The following TACC2 variants were observed in gnomAD, a reference collection of about 807,000 sequenced individuals.
The protein encoded by TACC2 is transforming acidic coiled-coil-containing protein 2.
TACC2 carries 137 observed loss-of-function variants against 227.3 expected under a neutral mutation model. The observed-to-expected ratio is 0.60, with a 90% confidence interval of 0.52 to 0.69. The LOEUF (loss-of-function observed/expected upper bound fraction) is 0.69, where lower values mean the gene tolerates loss of function less well. Among genes scored for constraint, TACC2 ranks in the 30% least tolerant of loss-of-function variants. The pLI is 0.00. For missense variants in TACC2, 3,470 were observed against 3,694.4 expected (o/e 0.94, Z 1.57); for synonymous variants, 1,523 against 1,487.5 (o/e 1.02, Z -0.55).
In TACC2 at chr10:122,211,271, C is replaced by G. The variant is rs1282699180; in HGVS notation, c.6846C>G (p.Asn2282Lys). ...GTAGTTGGGACAACCAGCAGGAAAA[C>G]CCCCCTCCTACCAAAAAGATAGGCA... Reference protein sequence around the residue: ...DKSSWDNQQENPPPTKKIGKK... With the variant: ...DKSSWDNQQEKPPPTKKIGKK... The change falls in exon 9 of 23, where the codon AAC (asparagine) becomes AAG (lysine). Residue 2282 changes from asparagine to lysine, a missense_variant. Physicochemically the swap from Asn to Lys is moderately conservative, Grantham distance 94 (BLOSUM62 0). This residue lies in a region of TACC2 where 593 missense variants were observed against 636.6 expected (regional missense o/e 0.93). Transcript: ENST00000369005. 6.8e-6 allele frequency: 11 copies of G among 1,613,912 alleles called. No homozygotes were observed. Among genetic ancestry groups the G allele is most frequent in the African/African-American group, 1.3e-5 (1 of 74,870 alleles).
At chr10:122,065,520 A>G (rs536945108) in intron 3 of TACC2, among the ~76,000 whole-genome samples, 7 of 152,294 alleles carry the variant, frequency 4.6e-5, no homozygotes, top group Non-Finnish European at 8.8e-5. Flanking sequence ...ATCATCTCAA[A>G]TTTATGCACA....
intron 5 of TACC2, among the ~76,000 whole-genome samples, chr10:122,118,010 T>A (rs1209319935): frequency 6.6e-6 from 1 of 151,190 alleles, no homozygotes; most frequent in African/African-American, 2.4e-5. Context: ...TGTTTTTCTC[T>A]TTTTCTTTTT....
chr10:122,010,662 C>CGCAT lies in TACC2; in HGVS notation c.-45-11274_-45-11271dup, dbSNP rs1955810830. ...ATTTCAACAGTGGAGAGGGATTGGA[C>CGCAT]GCATCCCTCAGTCTTCCCTCGTGTG... is the stretch of plus-strand genomic sequence containing the variant. On this transcript the variant is annotated intron_variant, in intron 1 of 22. Transcript: ENST00000369005. Among the ~76,000 whole-genome samples the CGCAT allele has an allele frequency of 2.0e-5, 3 of 152,212 alleles. No individual in the cohort carries two copies. The South Asian group carries it at 6.2e-4, about 32-fold the overall frequency.
At chr10:122,158,854 A>G (rs2092652751) in intron 7 of TACC2, among the ~76,000 whole-genome samples, 1 of 152,180 alleles carries the variant, frequency 6.6e-6, no homozygotes, top group Non-Finnish European at 1.5e-5. Flanking sequence ...CCTTTTCTCT[A>G]TTCATCATAA....
intron 2 of TACC2, among the ~76,000 whole-genome samples, chr10:122,038,247 T>A (rs113970577): frequency 0.095 from 14,506 of 152,146 alleles, 823 homozygotes; most frequent in South Asian, 0.18. Flanking sequence ...CCAGCCTGGG[T>A]GACAAGAGTG....
In TACC2 at chr10:122,171,165, G is replaced by C. The variant is rs552692866; in HGVS notation, c.5835-23875G>C. Among the ~76,000 whole-genome samples the C allele has an allele frequency of 4.6e-5, 7 of 152,290 alleles. No individual in the cohort carries two copies. The South Asian group carries it at 8.3e-4, about 18-fold the overall frequency. ...GCTGTGCAATAAATCCGGTGGGGGTGGTGGGCCTCCCCGCAGGTTTTGTAC... is the reference window on the plus strand; with the variant it reads ...GCTGTGCAATAAATCCGGTGGGGGTCGTGGGCCTCCCCGCAGGTTTTGTAC... On this transcript the variant is annotated intron_variant, in intron 7 of 22. Coordinates refer to ENST00000369005, the MANE Select transcript of TACC2 (RefSeq NM_206862.4).
Position 122,050,630 on chromosome 10 carries a change from A to AG in TACC2, c.146+80_146+81insG. ...CCTGCTCCAGCATTAGCTTTGCCCCATTTGCTTTGGAAACTGGACCCTTAG... is the reference window on the plus strand; with the variant it reads ...CCTGCTCCAGCATTAGCTTTGCCCCAGTTTGCTTTGGAAACTGGACCCTTAG... On this transcript the variant is annotated intron_variant, in intron 3 of 22. Coordinates refer to ENST00000369005, the MANE Select transcript of TACC2 (RefSeq NM_206862.4). The surrounding 1 kb of genome is among the most constrained non-coding windows in gnomAD (Gnocchi z 4.6). 8.3e-7 allele frequency: 1 copy of AG among 1,198,604 alleles called. No individual in the cohort carries two copies. The highest frequency in any genetic ancestry group is 1.2e-6 in the Non-Finnish European group (1 of 825,056). The allele number at this position is 1,198,604 out of a possible 1,614,324, so 74.2% of individuals were successfully genotyped here. A position where few individuals can be genotyped will look rare whatever the true frequency, so the allele number is the denominator to read the frequency against.
At chr10:122,021,333 TC>T (rs1259615086) in intron 1 of TACC2, among the ~76,000 whole-genome samples, 1 of 152,076 alleles carries the variant, frequency 6.6e-6, no homozygotes, top group Non-Finnish European at 1.5e-5. Flanking sequence ...CCTTACATGA[TC>T]TCGTCTGGTC....
chr10:122,102,877 T>C, intron 5 of TACC2, among the ~76,000 whole-genome samples: 1 of 152,166 alleles, frequency 6.6e-6, no homozygotes, highest in Non-Finnish European at 1.5e-5. Context: ...TTGTGTATAT[T>C]TTGGGTTCAG....
At chr10:122,031,031 C>T (rs947892462) in intron 2 of TACC2, among the ~76,000 whole-genome samples, 2 of 152,154 alleles carry the variant, frequency 1.3e-5, no homozygotes, top group Non-Finnish European at 2.9e-5. Flanking sequence ...TTCCACCCCC[C>T]CATCTGATAA....
intron 21 of TACC2, 99 bp from the exon 22 acceptor site, chr10:122,249,445 G>A: frequency 6.6e-7 from 1 of 1,516,692 alleles, no homozygotes; most frequent in Admixed American, 1.8e-5. Context: ...TGGCAGCTGG[G>A]GCCAGACCAG....
intron 5 of TACC2, among the ~76,000 whole-genome samples, chr10:122,124,641 G>A (rs936069340): frequency 2.0e-5 from 3 of 152,272 alleles, no homozygotes; most frequent in South Asian, 4.2e-4. Context: ...AGACCCAAAC[G>A]GAGCTCCATG....
chr10:122,030,912 C>T (rs1260010741), intron 2 of TACC2, among the ~76,000 whole-genome samples: 1 of 152,082 alleles, frequency 6.6e-6, no homozygotes, highest in Non-Finnish European at 1.5e-5. Context: ...AACCCAAACT[C>T]AGCTTCTGCC....
chr10:122,239,986 C>T (rs575339429), intron 18 of TACC2, among the ~76,000 whole-genome samples: 53 of 152,142 alleles, frequency 3.5e-4, no homozygotes, highest in Non-Finnish European at 6.2e-4. Context: ...ACAAAGGCTG[C>T]GGAGTGTGAT....
rs572696525 is a variant in TACC2 at position 121,999,242 on chromosome 10, C to T, written c.-46+9754C>T. ...CAGGATGGTCTCAATCTCCTGAACTCGTGATTGGAATGGCCATTTCTAAGT... is the reference window on the plus strand; with the variant it reads ...CAGGATGGTCTCAATCTCCTGAACTTGTGATTGGAATGGCCATTTCTAAGT... On this transcript the variant is annotated intron_variant, in intron 1 of 22. Coordinates refer to ENST00000369005, the MANE Select transcript of TACC2 (RefSeq NM_206862.4). Among the ~76,000 whole-genome samples, 12 of 152,076 alleles carry T rather than the reference C, an allele frequency of 7.9e-5. No individual in the cohort carries two copies. The South Asian group carries it at 1.5e-3, about 18-fold the overall frequency.
intron 8 of TACC2, among the ~76,000 whole-genome samples, chr10:122,201,521 G>A (rs1300811799): frequency 6.6e-6 from 1 of 152,262 alleles, no homozygotes; most frequent in Admixed American, 6.5e-5. Flanking sequence ...ATATGGGGAG[G>A]ACGGTGACCT....
In TACC2 at chr10:122,215,596, T is replaced by TTTGCTTCACATTGTTTTGG. The variant is rs578017408; in HGVS notation, c.7344+147_7344+165dup. The TTTGCTTCACATTGTTTTGG allele has an allele frequency of 8.3e-4, 600 of 719,476 alleles. 6 individuals are homozygous for TTTGCTTCACATTGTTTTGG. In the South Asian group the frequency reaches 9.1e-3, roughly 11 times the overall value. 44.6% of individuals were successfully genotyped at this position (719,476 alleles called of 1,614,324 possible). A position where few individuals can be genotyped will look rare whatever the true frequency, so the allele number is the denominator to read the frequency against. On this transcript the variant is annotated intron_variant, in intron 10 of 22. Transcript: ENST00000369005. ...ATTCTGTGTGGAGGGTCCCTCGATG[T>TTTGCTTCACATTGTTTTGG]TTGCTTCACATTGTTTTGGTCCCTT... is the stretch of plus-strand genomic sequence containing the variant.
chr10:122,102,437 C>T (rs1479799905), intron 5 of TACC2, among the ~76,000 whole-genome samples: 4 of 152,314 alleles, frequency 2.6e-5, no homozygotes, highest in African/African-American at 7.2e-5. Flanking sequence ...ACCCCGTAAC[C>T]GCGCCTCACT....
intron 7 of TACC2, among the ~76,000 whole-genome samples, chr10:122,147,993 T>G (rs1246971035): frequency 6.6e-6 from 1 of 152,178 alleles, no homozygotes; most frequent in African/African-American, 2.4e-5. Flanking sequence ...GTTTTTTCCC[T>G]TTGGATGAGT....
Sources: allele counts gnomAD v4.1 joint callset (sites outside exome capture counted in the v4.1 genomes callset), GRCh38; gene constraint gnomAD v4.1.1; regional missense constraint gnomAD v4.1.1; non-coding constraint Gnocchi (gnomAD v3.1); transcripts MANE v1.5; gene names NCBI Gene and HGNC (gene_info 2026-07-23, HGNC 2026-07-21).